CCDC9: variants seen among roughly 807,000 people sequenced by gnomAD.
CCDC9 encodes coiled-coil domain-containing protein 9.
A neutral mutation model predicts 65.6 loss-of-function variants in CCDC9; 52 were observed. That is an observed-to-expected ratio of 0.79 (90% CI 0.63 to 1.00). CCDC9 has a LOEUF of 1.00. Among genes scored for constraint, CCDC9 ranks in the 50% least tolerant of loss-of-function variants. CCDC9 has a pLI of 0.00. For missense variants in CCDC9, 834 were observed against 757.2 expected (o/e 1.10, Z -1.19); for synonymous variants, 332 against 280.3 (o/e 1.18, Z -1.84).
At chr19:47,275,005 G>T (rs1395889679), downstream of CCDC9, 2 of 1,476,794 alleles carry the variant, frequency 1.4e-6, no homozygotes, top group Non-Finnish European at 1.8e-6. Flanking sequence ...CGCTGGCTGC[G>T]CTTGGCTCCG....
chr19:47,264,519 C>CTCCTCGG, intron 5 of CCDC9, 84 bp from the exon 6 acceptor site: 1 of 1,326,704 alleles, frequency 7.5e-7, no homozygotes, highest in Non-Finnish European at 1.1e-6. Flanking sequence ...AGAGGAGCCT[C>CTCCTCGG]AGGCCTGCTG....
downstream of CCDC9, chr19:47,274,829 T>G (rs1354815692): frequency 1.2e-5 from 10 of 864,820 alleles, no homozygotes; most frequent in Non-Finnish European, 1.2e-5. Context: ...GCGGGCGGTT[T>G]AGAGAGCGGG....
chr19:47,263,737 T>G (rs1213814504), intron 5 of CCDC9, among the ~76,000 whole-genome samples: 1 of 150,746 alleles, frequency 6.6e-6, no homozygotes, highest in Non-Finnish European at 1.5e-5. Context: ...GGCTAACTTT[T>G]GTATTTTTAG....
rs139124238 is a variant in CCDC9, at chr19:47,259,392, C to T, written c.108+729C>T. 3.1e-4 allele frequency among the ~76,000 whole-genome samples: 47 copies of T among 152,026 alleles called. 1 individual carries two copies. The highest frequency in any genetic ancestry group is 7.7e-4 in the African/African-American group (32 of 41,444). ...TAGGAAGACGCCTCTGGGTGCTGTG[C>T]GGTGGTGGGTGCGAGGAGGTGATAC... On this transcript the variant is annotated intron_variant, in intron 3 of 11. Transcript: ENST00000221922.
chr19:47,259,184 AAG>A (rs1259474507), intron 3 of CCDC9, among the ~76,000 whole-genome samples: 1 of 152,176 alleles, frequency 6.6e-6, no homozygotes, highest in African/African-American at 2.4e-5. Flanking sequence ...TGTTGGAAGC[AAG>A]AGAGAGCTTG....
chr19:47,270,727 C>A (rs1287271199), intron 10 of CCDC9, 39 bp downstream of exon 10: 1 of 1,576,984 alleles, frequency 6.3e-7, no homozygotes, highest in Admixed American at 1.8e-5. Context: ...ACCCCCAGGG[C>A]TCTCCGCAGG....
chr19:47,272,208 TC>T, downstream of CCDC9: 2 of 1,184,546 alleles, frequency 1.7e-6, no homozygotes, highest in Non-Finnish European at 2.1e-6. Context: ...GCTTCCTCTT[TC>T]TCTGGGGCTG....
Position 47,264,391 on chromosome 19 carries a change from T to C in CCDC9, c.463-212T>C, listed in dbSNP as rs950629128. ...CCAGACCCCCCAGTAGGAAGGCGAA[T>C]GCAGCGTACAGCGTGTTGTTCGCAT... On this transcript the variant is annotated intron_variant, in intron 5 of 11. Transcript: ENST00000221922. Among the ~76,000 whole-genome samples, 81 of 152,214 alleles carry C rather than the reference T, an allele frequency of 5.3e-4. 1 individual carries two copies. Among genetic ancestry groups the C allele is most frequent in the Non-Finnish European group, 1.9e-4 (13 of 68,038 alleles).
chr19:47,271,412 G>T lies in CCDC9; in HGVS notation c.1330G>T (p.Glu444Ter), dbSNP rs762814957. ...EEIEVEEGDE[E>*]EPAQDHQAPE... ...GATCGAGGTGGAAGAAGGTGATGAG[G>T]AGGAACCAGCCCAAGACCACCAAGC... Residue 444 changes from glutamate to a stop codon, truncating the protein, a stop_gained, in exon 12 of 12, where the codon GAG becomes TAG. Coordinates refer to ENST00000221922, the MANE Select transcript of CCDC9 (RefSeq NM_015603.3). LOFTEE classifies it high-confidence loss of function. The T allele has an allele frequency of 6.3e-7, 1 of 1,584,902 alleles. No individual in the cohort carries two copies. Among genetic ancestry groups the T allele is most frequent in the Non-Finnish European group, 8.6e-7 (1 of 1,165,284 alleles).
chr19:47,273,945 C>G (rs980750095), downstream of CCDC9: 27 of 982,728 alleles, frequency 2.7e-5, no homozygotes, highest in Non-Finnish European at 3.1e-5. Flanking sequence ...TCTGATCCGT[C>G]TTCCCTCCCC....
intron 1 of CCDC9, chr19:47,258,105 C>T (rs1050803786): frequency 7.9e-6 from 4 of 505,478 alleles, no homozygotes; most frequent in African/African-American, 3.9e-5. Flanking sequence ...TTGACTAGAT[C>T]GTTTACATGG....
At chr19:47,258,528 C>T in intron 2 of CCDC9, 31 bp from the exon 3 acceptor site, 1 of 1,608,832 alleles carries the variant, frequency 6.2e-7, no homozygotes, top group Non-Finnish European at 8.5e-7. Flanking sequence ...GAGGTTTTTC[C>T]TTCCATCCCT....
At chr19:47,274,145 G>A (rs1193176004), downstream of CCDC9, among the ~76,000 whole-genome samples, 1 of 152,228 alleles carries the variant, frequency 6.6e-6, no homozygotes, top group Non-Finnish European at 1.5e-5. Flanking sequence ...GGAGGAGCTG[G>A]GAGAAGGGGC....
chr19:47,258,456 G>T (rs1402426880), intron 2 of CCDC9, 53 bp downstream of exon 2: 1 of 1,612,506 alleles, frequency 6.2e-7, no homozygotes. Flanking sequence ...AAGGGGGCTT[G>T]GGAGGATGGG....
At chr19:47,270,273 CCTACTT>C in intron 8 of CCDC9, 128 bp from the exon 9 acceptor site, 4 of 831,638 alleles carry the variant, frequency 4.8e-6, no homozygotes, top group Non-Finnish European at 7.9e-6. Flanking sequence ...CCGGCCCTGT[CCTACTT>C]CTAGTGTCCC....
At chr19:47,272,066 T>A, downstream of CCDC9, 4 of 1,235,560 alleles carry the variant, frequency 3.2e-6, no homozygotes, top group Non-Finnish European at 4.0e-6. Flanking sequence ...TCCCCTTCCC[T>A]AGGAGGTGGC....
intron 1 of CCDC9, among the ~76,000 whole-genome samples, chr19:47,257,172 T>A (rs931703183): frequency 2.8e-5 from 4 of 143,596 alleles, no homozygotes; most frequent in African/African-American, 1.1e-4. Context: ...GCCAGAACCC[T>A]GGGGAAGCCA....
chr19:47,275,372 A>T (rs558122065), downstream of CCDC9: 104 of 1,531,610 alleles, frequency 6.8e-5, no homozygotes, highest in Admixed American at 1.7e-3. Flanking sequence ...CCCAACCCGG[A>T]TCGCCAGCCC....
At position 47,271,446 on chromosome 19, in the gene CCDC9, C is replaced by G. The variant is rs747547989; in HGVS notation, c.1364C>G (p.Ala455Gly). 2 of 1,613,874 alleles carry G rather than the reference C, an allele frequency of 1.2e-6. No homozygotes were observed. Among genetic ancestry groups the G allele is most frequent in the Non-Finnish European group, 1.7e-6 (2 of 1,179,976 alleles). ...GCCCAAGACCACCAAGCCCCAGAGGCTGCCCCCACCGGGATCCCCTGCAGT... is the reference window on the plus strand; with the variant it reads ...GCCCAAGACCACCAAGCCCCAGAGGGTGCCCCCACCGGGATCCCCTGCAGT... The part of the protein sequence containing the change: ...EPAQDHQAPE[A>G]APTGIPCSEQ... Residue 455 changes from alanine to glycine, a missense_variant, in exon 12 of 12, where the codon GCT becomes GGT. Transcript: ENST00000221922.
Sources: gnomAD v4.1 joint callset for allele counts (sites outside exome capture counted in the v4.1 genomes callset) on GRCh38, gnomAD v4.1.1 for gene constraint, MANE v1.5 for transcripts, NCBI Gene and HGNC (gene_info 2026-07-23, HGNC 2026-07-21) for gene names.